MTUS2: variants seen among roughly 807,000 people sequenced by gnomAD.
The protein encoded by MTUS2 is microtubule associated scaffold protein 2.
Under a neutral mutation model 114.1 loss-of-function variants are expected in MTUS2, and 40 were observed. The observed-to-expected ratio is 0.35, with a 90% CI of 0.27 to 0.46. The LOEUF (loss-of-function observed/expected upper bound fraction) is 0.46, where lower values mean the gene tolerates loss of function less well. Ranked by LOEUF, MTUS2 falls within the 20% of genes least tolerant of loss-of-function variation. The pLI is 1.00. For missense variants in MTUS2, 1,679 were observed against 1,705.4 expected (o/e 0.98, Z 0.27); for synonymous variants, 688 against 672.0 (o/e 1.02, Z -0.37).
In MTUS2 at chr13:29,025,356, T is replaced by A; in HGVS notation, c.658T>A (p.Leu220Met). 6.2e-7 allele frequency: 1 copy of A among 1,613,578 alleles called. No homozygotes were observed. Residue 220 changes from leucine to methionine, a missense_variant, in exon 3 of 16, where the codon TTG becomes ATG. By Grantham distance (15) the Leu-to-Met change is conservative. Coordinates refer to ENST00000612955, the MANE Select transcript of MTUS2 (RefSeq NM_001033602.4). Reference sequence around the variant, plus strand: ...GGGTGGGGAGGGGCCACAGAAGACATTGCCAGACCACGCTGTCCCGGCAGC... The same window carrying A: ...GGGTGGGGAGGGGCCACAGAAGACAATGCCAGACCACGCTGTCCCGGCAGC... Reference protein sequence around the residue: ...PGGGEGPQKTLPDHAVPAAFP... With the variant: ...PGGGEGPQKTMPDHAVPAAFP...
intron 5 of MTUS2, among the ~76,000 whole-genome samples, chr13:29,261,626 T>G (rs2139465248): frequency 6.6e-6 from 1 of 152,374 alleles, no homozygotes; most frequent in South Asian, 2.1e-4. Flanking sequence ...AGCTACTATA[T>G]AAGCCCTTGA....
intron 8 of MTUS2, among the ~76,000 whole-genome samples, chr13:29,372,577 A>G (rs1198641493): frequency 6.6e-6 from 1 of 152,226 alleles, no homozygotes; most frequent in Non-Finnish European, 1.5e-5. Context: ...AGATAAAGCC[A>G]TGAAAGATAT....
intron 4 of MTUS2, among the ~76,000 whole-genome samples, chr13:29,092,299 A>T (rs772369959): frequency 7.9e-5 from 12 of 152,140 alleles, no homozygotes; most frequent in African/African-American, 2.9e-4. Context: ...TTACACTGTC[A>T]TGCCCACCTT....
At chr13:29,071,372 CTAAT>C (rs1018255476) in intron 4 of MTUS2, among the ~76,000 whole-genome samples, 2 of 134,004 alleles carry the variant, frequency 1.5e-5, no homozygotes, top group African/African-American at 5.8e-5. Context: ...TCTGAGGATA[CTAAT>C]TAGATTTTTT....
At chr13:29,399,243 C>T (rs1032001210) in intron 8 of MTUS2, among the ~76,000 whole-genome samples, 2 of 152,062 alleles carry the variant, frequency 1.3e-5, no homozygotes, top group Admixed American at 6.6e-5. Context: ...GACCAAAGGA[C>T]ACTCTCGTCT....
chr13:28,963,700 G>A (rs572342553), intron 2 of MTUS2, among the ~76,000 whole-genome samples: 86 of 149,414 alleles, frequency 5.8e-4, no homozygotes, highest in African/African-American at 2.1e-3. Flanking sequence ...GTCTGTGGAC[G>A]CTTTCTTACC....
In MTUS2 at chr13:29,012,215, T is replaced by A. The variant is rs532976711; in HGVS notation, c.-242-12242T>A. Reference sequence around the variant, plus strand: ...TGCCTCCTGCTCTGAAGTAAACCCATGTGGCGAAGCTTGGTGGAGAGTGGC... The same window carrying A: ...TGCCTCCTGCTCTGAAGTAAACCCAAGTGGCGAAGCTTGGTGGAGAGTGGC... On this transcript the variant is annotated intron_variant, in intron 2 of 15. Coordinates refer to ENST00000612955, the MANE Select transcript of MTUS2 (RefSeq NM_001033602.4). 5.3e-5 allele frequency among the ~76,000 whole-genome samples: 8 copies of A among 152,222 alleles called. No homozygotes were observed. In the East Asian group the frequency reaches 1.5e-3, roughly 29 times the overall value.
At chr13:28,927,440 C>G (rs1056470781) in intron 2 of MTUS2, among the ~76,000 whole-genome samples, 2 of 152,062 alleles carry the variant, frequency 1.3e-5, no homozygotes, top group African/African-American at 4.8e-5. Flanking sequence ...GTGGCATGCA[C>G]CTGTAGTCCC....
intron 5 of MTUS2, among the ~76,000 whole-genome samples, chr13:29,189,833 C>A (rs1294830689): frequency 1.8e-4 from 28 of 152,130 alleles, no homozygotes. Flanking sequence ...GAATATGTGT[C>A]CCTCTACCCC....
At chr13:29,138,031 C>T (rs1248245978) in intron 5 of MTUS2, among the ~76,000 whole-genome samples, 1 of 152,150 alleles carries the variant, frequency 6.6e-6, no homozygotes, top group Non-Finnish European at 1.5e-5. Context: ...GCCTCTTTTT[C>T]TGTACCTCTG....
At chr13:29,337,506 C>A (rs1205802566) in intron 7 of MTUS2, among the ~76,000 whole-genome samples, 1 of 152,206 alleles carries the variant, frequency 6.6e-6, no homozygotes, top group African/African-American at 2.4e-5. Flanking sequence ...ATGAGATGAG[C>A]CATGTACCTC....
chr13:29,383,246 G>A (rs868258882), intron 8 of MTUS2, among the ~76,000 whole-genome samples: 15,859 of 54,494 alleles, frequency 0.29, 1,063 homozygotes, highest in South Asian at 0.42. Flanking sequence ...GTGTGTGTGT[G>A]TGTGTGTATT....
At position 29,025,510 on chromosome 13, in the gene MTUS2, G is replaced by C; in HGVS notation, c.812G>C (p.Ser271Thr). The change falls in exon 3 of 16, where the codon AGT (serine) becomes ACT (threonine). Residue 271 changes from serine (S) to threonine (T), a missense_variant. This residue lies in a region of MTUS2 where 843 missense variants were observed against 770.8 expected (regional missense o/e 1.09). Coordinates refer to ENST00000612955, the MANE Select transcript of MTUS2 (RefSeq NM_001033602.4). ...TVGAHVLQVC[S>T]EHTSHSAHPE... Reference sequence around the variant, plus strand: ...GGGGCACATGTACTGCAGGTGTGCAGTGAGCACACATCACATTCCGCCCAT... The same window carrying C: ...GGGGCACATGTACTGCAGGTGTGCACTGAGCACACATCACATTCCGCCCAT... 1 of 1,613,658 alleles carries C rather than the reference G, an allele frequency of 6.2e-7. No individual in the cohort carries two copies. Among genetic ancestry groups the C allele is most frequent in the Non-Finnish European group, 8.5e-7 (1 of 1,179,728 alleles).
chr13:29,006,112 T>C (rs908134098), intron 2 of MTUS2, among the ~76,000 whole-genome samples: 2 of 151,776 alleles, frequency 1.3e-5, no homozygotes, highest in Non-Finnish European at 2.9e-5. Context: ...GAGAGGGGAG[T>C]AGGGCAAAAC....
chr13:29,031,413 T>C (rs1886821439), intron 3 of MTUS2, among the ~76,000 whole-genome samples: 1 of 151,832 alleles, frequency 6.6e-6, no homozygotes, highest in Admixed American at 6.6e-5. Context: ...TCTCTATATA[T>C]ATATATAGAG....
chr13:29,056,995 G>A (rs1888164519), intron 4 of MTUS2, among the ~76,000 whole-genome samples: 1 of 152,008 alleles, frequency 6.6e-6, no homozygotes, highest in Non-Finnish European at 1.5e-5. Context: ...AGAGATTCTA[G>A]TATGTTGTAT....
At chr13:29,034,964 A>C (rs1886997665) in intron 4 of MTUS2, among the ~76,000 whole-genome samples, 1 of 152,234 alleles carries the variant, frequency 6.6e-6, no homozygotes, top group South Asian at 2.1e-4. Flanking sequence ...AAAAACTTCA[A>C]AGTTATAAAA....
intron 2 of MTUS2, among the ~76,000 whole-genome samples, chr13:28,942,130 A>G (rs563960263): frequency 6.6e-6 from 1 of 152,276 alleles, no homozygotes; most frequent in South Asian, 2.1e-4. Context: ...TATTTAAATA[A>G]CTCACTTAAA....
intron 5 of MTUS2, among the ~76,000 whole-genome samples, chr13:29,237,552 A>T (rs1253208780): frequency 2.0e-5 from 3 of 152,108 alleles, no homozygotes; most frequent in Admixed American, 2.0e-4. Context: ...GTGATCTGTT[A>T]TCTGGACCCA....
Sources: gnomAD v4.1 joint callset for allele counts (sites outside exome capture counted in the v4.1 genomes callset) on GRCh38, gnomAD v4.1.1 for gene constraint, gnomAD v4.1.1 regional missense constraint, MANE v1.5 for transcripts, NCBI Gene and HGNC (gene_info 2026-07-23, HGNC 2026-07-21) for gene names.